Variants in SLC36A1 observed in about 807,000 individuals in gnomAD.
SLC36A1 encodes proton-coupled amino acid transporter 1.
Under a neutral mutation model 47.5 loss-of-function variants are expected in SLC36A1, and 30 were observed. The ratio of observed to expected loss-of-function variants is 0.63; its 90% confidence interval spans 0.47 to 0.86. The LOEUF is 0.86. Among genes scored for constraint, SLC36A1 ranks in the 40% least tolerant of loss-of-function variants. SLC36A1 has a pLI of 0.00. For synonymous variants in SLC36A1, 255 were observed against 249.7 expected, an observed-to-expected ratio of 1.02 and a Z score of -0.20; for missense variants, 517 against 606.0, an observed-to-expected ratio of 0.85 and a Z score of 1.54.
chr5:151,347,147 G>T, the SLC36A1 span: 1 of 907,918 alleles, frequency 1.1e-6, no homozygotes, highest in Non-Finnish European at 1.8e-6. Context: ...TTCTGCCTCA[G>T]CTTGACTCAG....
chr5:151,547,570 A>G, the SLC36A1 span, among the ~76,000 whole-genome samples: 11 of 152,294 alleles, frequency 7.2e-5, no homozygotes, highest in Admixed American at 3.3e-4. Context: ...AAAACTTTCA[A>G]TCTGATTCTT....
upstream of SLC36A1, among the ~76,000 whole-genome samples, chr5:151,432,448 CT>C (rs553685761): frequency 4.6e-5 from 7 of 152,224 alleles, no homozygotes; most frequent in South Asian, 1.2e-3. Context: ...AGAGAAGTGT[CT>C]TTTTTCCTCA....
chr5:151,511,697 C>T, the SLC36A1 span: 18 of 163,552 alleles, frequency 1.1e-4, no homozygotes, highest in South Asian at 3.2e-4. Flanking sequence ...TGGTGCTGAG[C>T]GAAAGCGTAA....
the SLC36A1 span, among the ~76,000 whole-genome samples, chr5:151,407,343 C>T: frequency 2.4e-4 from 36 of 152,044 alleles, no homozygotes; most frequent in African/African-American, 7.5e-4. Context: ...AAACACAGAG[C>T]GCTGATTGGT....
chr5:151,553,619 G>A, the SLC36A1 span, among the ~76,000 whole-genome samples: 2 of 152,236 alleles, frequency 1.3e-5, no homozygotes, highest in African/African-American at 4.8e-5. Flanking sequence ...CTCATGGTTA[G>A]TATAAAAATA....
At chr5:151,446,012 TG>T (rs1411962789), upstream of SLC36A1, among the ~76,000 whole-genome samples, 1 of 152,142 alleles carries the variant, frequency 6.6e-6, no homozygotes, top group Non-Finnish European at 1.5e-5. Flanking sequence ...CTTTTAACTT[TG>T]GGTCTTGTGA....
chr5:151,433,243 TATATATATATATATATATATATA>T (rs1345598742), upstream of SLC36A1, among the ~76,000 whole-genome samples: 13 of 12,056 alleles, frequency 1.1e-3, no homozygotes, highest in African/African-American at 1.3e-3. Context: ...TATATATATA[TATATATATATATATATATATATA>T]TTTTTTTTTT....
chr5:151,474,206 C>T (rs1421217169), intron 8 of SLC36A1, among the ~76,000 whole-genome samples: 1 of 145,936 alleles, frequency 6.9e-6, no homozygotes, highest in Non-Finnish European at 1.5e-5. Flanking sequence ...ACTCACTGGT[C>T]AGTTAGTGAA....
the SLC36A1 span, among the ~76,000 whole-genome samples, chr5:151,407,210 C>T: frequency 6.6e-6 from 1 of 152,200 alleles, no homozygotes; most frequent in Non-Finnish European, 1.5e-5. Context: ...GAAGGGGACC[C>T]GAATGGGTTG....
chr5:151,507,521 C>G, the SLC36A1 span: 2 of 1,614,118 alleles, frequency 1.2e-6, no homozygotes, highest in Non-Finnish European at 1.7e-6. Flanking sequence ...CTGTGATGAT[C>G]AGTAACTCCT....
At chr5:151,510,331 C>CAA in the SLC36A1 span, 4 of 789,638 alleles carry the variant, frequency 5.1e-6, no homozygotes, top group Non-Finnish European at 7.9e-6. Flanking sequence ...CATTGGTGCC[C>CAA]TGCTGAACCA....
At chr5:151,547,321 C>G in the SLC36A1 span, among the ~76,000 whole-genome samples, 1 of 152,202 alleles carries the variant, frequency 6.6e-6, no homozygotes, top group South Asian at 2.1e-4. Flanking sequence ...TAGAACCCAA[C>G]AGAGGCTTTG....
chr5:151,537,709 TCTC>T, the SLC36A1 span: 1 of 1,370,434 alleles, frequency 7.3e-7, no homozygotes, highest in Non-Finnish European at 1.0e-6. Flanking sequence ...TCCTGTTTCT[TCTC>T]CAAGGAGAAT....
At chr5:151,403,061 T>C in the SLC36A1 span, among the ~76,000 whole-genome samples, 1 of 152,200 alleles carries the variant, frequency 6.6e-6, no homozygotes, top group Non-Finnish European at 1.5e-5. Flanking sequence ...TGGGGTTAGT[T>C]TGTTTCTGTT....
chr5:151,439,787 A>G (rs891121927), intron 1 of SLC36A1, among the ~76,000 whole-genome samples: 1 of 151,956 alleles, frequency 6.6e-6, no homozygotes, highest in South Asian at 2.1e-4. Context: ...TTCTTGCTTC[A>G]GTGGCTGTTT....
chr5:151,505,974 A>T, the SLC36A1 span: 1 of 1,572,756 alleles, frequency 6.4e-7, no homozygotes, highest in Middle Eastern at 1.7e-4. Context: ...TGGCATCACG[A>T]CTGGGGTTGA....
chr5:151,544,451 T>C, the SLC36A1 span: 1 of 1,614,112 alleles, frequency 6.2e-7, no homozygotes, highest in Non-Finnish European at 8.5e-7. Flanking sequence ...CCTGTTACTG[T>C]TAGGACACCA....
At chr5:151,460,184 A>G (rs1755298207) in intron 2 of SLC36A1, among the ~76,000 whole-genome samples, 2 of 152,204 alleles carry the variant, frequency 1.3e-5, no homozygotes, top group Non-Finnish European at 2.9e-5. Context: ...AGCCAATGGC[A>G]TGTGATGGCT....
rs1759997891 is a variant in SLC36A1 at position 151,490,238 on chromosome 5, C to T, written c.*1984C>T. ...TGACCAGGAATCTAGCCGGGAGTAG[C>T]AGAGGCCCTGTCTTCTGAAGTCTCA... is the stretch of plus-strand genomic sequence containing the variant. On this transcript the variant is annotated 3_prime_UTR_variant, in exon 11 of 11. Coordinates refer to ENST00000243389, the MANE Select transcript of SLC36A1 (RefSeq NM_078483.4). The T allele has an allele frequency of 6.6e-6, 1 of 152,242 alleles. No homozygotes were observed. Among genetic ancestry groups the T allele is most frequent in the South Asian group, 2.1e-4 (1 of 4,832 alleles). The allele number at this position is 152,242 out of a possible 1,614,324, so 9.4% of individuals were successfully genotyped here.
Sources: gnomAD v4.1 joint callset for allele counts (sites outside exome capture counted in the v4.1 genomes callset) on GRCh38, gnomAD v4.1.1 for gene constraint, MANE v1.5 for transcripts, NCBI Gene and HGNC (gene_info 2026-07-23, HGNC 2026-07-21) for gene names.